The following XRCC1 variants were observed in gnomAD, a reference collection of about 807,000 sequenced individuals.
XRCC1 encodes DNA repair protein XRCC1.
XRCC1 carries 52 observed loss-of-function variants against 83.3 expected under a neutral mutation model. The ratio of observed to expected loss-of-function variants is 0.62; its 90% confidence interval spans 0.50 to 0.79. The LOEUF (loss-of-function observed/expected upper bound fraction) is 0.79, where lower values mean the gene tolerates loss of function less well. XRCC1 is among the 30% of genes least tolerant of loss of function. XRCC1 has a pLI of 0.00. For missense variants in XRCC1, 793 were observed against 823.5 expected, an observed-to-expected ratio of 0.96 and a Z score of 0.45; for synonymous variants, 281 against 312.6, an observed-to-expected ratio of 0.90 and a Z score of 1.07.
chr19:43,548,065 C>CG (rs896502060), intron 10 of XRCC1, among the ~76,000 whole-genome samples: 13 of 17,666 alleles, frequency 7.4e-4, no homozygotes, highest in Non-Finnish European at 1.2e-3. Context: ...GCCGCCCCGT[C>CG]GGGGGGGAGG....
intron 3 of XRCC1, among the ~76,000 whole-genome samples, chr19:43,557,645 T>C (rs1972651445): frequency 6.6e-6 from 1 of 151,588 alleles, no homozygotes; most frequent in South Asian, 2.1e-4. Flanking sequence ...ACAAAAAAAA[T>C]AGCCATGCAT....
chr19:43,561,134 A>G (rs1972695159), intron 2 of XRCC1, 114 bp from the exon 3 acceptor site: 7 of 835,812 alleles, frequency 8.4e-6, no homozygotes, highest in Non-Finnish European at 1.4e-5. Flanking sequence ...CAATTCTGTG[A>G]GGGGGCACAC....
Position 43,546,972 on chromosome 19 carries a change from A to G in XRCC1, c.1205T>C (p.Leu402Pro), listed in dbSNP as rs771577530. Residue 402 changes from leucine to proline, a missense_variant, in exon 11 of 17, where the codon CTC becomes CCC. Physicochemically the swap from Leu to Pro is moderately conservative, Grantham distance 98. Transcript: ENST00000262887. ...ACTGCTGGAACCTGGCCCTGCCATG[A>G]GGTACCTAGGGGACAAATCGGGCCT... ...MRRRLPSQRY[L>P]MAGPGSSSEE... The G allele has an allele frequency of 6.2e-7, 1 of 1,613,802 alleles. No individual in the cohort carries two copies. Among genetic ancestry groups the G allele is most frequent in the South Asian group, 1.1e-5 (1 of 91,082 alleles).
chr19:43,559,479 C>CAA (rs58121949), intron 3 of XRCC1, among the ~76,000 whole-genome samples: 74 of 56,494 alleles, frequency 1.3e-3, no homozygotes, highest in Admixed American at 1.7e-3. Flanking sequence ...GACTCCATCT[C>CAA]AAAAAAAAAA....
intron 2 of XRCC1, chr19:43,574,417 G>T (rs1972834062): frequency 6.6e-6 from 1 of 152,378 alleles, no homozygotes; most frequent in South Asian, 2.1e-4. Flanking sequence ...TAAAAATAGA[G>T]ACAGGGTCTT....
At chr19:43,559,243 G>A (rs1972670850) in intron 3 of XRCC1, among the ~76,000 whole-genome samples, 1 of 151,922 alleles carries the variant, frequency 6.6e-6, no homozygotes, top group Admixed American at 6.6e-5. Flanking sequence ...CAGCACTTTG[G>A]GAGGCTAAGG....
chr19:43,573,912 T>C (rs1972828931), intron 2 of XRCC1, among the ~76,000 whole-genome samples: 1 of 151,994 alleles, frequency 6.6e-6, no homozygotes, highest in Non-Finnish European at 1.5e-5. Context: ...GTCAGGCAAA[T>C]TGTATAACTT....
At position 43,554,718 on chromosome 19, in the gene XRCC1, G is replaced by C. The variant is rs1018004950; in HGVS notation, c.342C>G (p.Asp114Glu). 3 of 1,613,946 alleles carry C rather than the reference G, an allele frequency of 1.9e-6. No homozygotes were observed. Among genetic ancestry groups the C allele is most frequent in the Non-Finnish European group, 2.5e-6 (3 of 1,179,956 alleles). The change falls in exon 4 of 17, where the codon GAC (aspartate) becomes GAG (glutamate). Residue 114 changes from aspartate to glutamate, a missense_variant. Asp to Glu is a conservative substitution (Grantham distance 45). Transcript: ENST00000262887. ...TCTCGGCGGCTGCCCGGACCAGCTT[G>C]TCAGGCCCAAACATGCGAACGCGGT... ...NPNRVRMFGP[D>E]KLVRAAAEKR...
chr19:43,559,465 G>A (rs1239017113), intron 3 of XRCC1, among the ~76,000 whole-genome samples: 12 of 107,512 alleles, frequency 1.1e-4, no homozygotes, highest in Non-Finnish European at 1.5e-4. Flanking sequence ...GGGCAACAGA[G>A]TGAGACTCCA....
At chr19:43,571,379 C>T (rs1445447851) in intron 2 of XRCC1, among the ~76,000 whole-genome samples, 1 of 152,206 alleles carries the variant, frequency 6.6e-6, no homozygotes, top group Non-Finnish European at 1.5e-5. Flanking sequence ...GCCACTGCTC[C>T]AGCTCCAGCT....
rs1313912461 is a variant in XRCC1 at position 43,544,184 on chromosome 19, C to T, written c.1672G>A (p.Glu558Lys). 17 of 1,611,102 alleles carry T rather than the reference C, an allele frequency of 1.1e-5. No homozygotes were observed. Among genetic ancestry groups the T allele is most frequent in the Non-Finnish European group, 1.3e-5 (15 of 1,178,746 alleles). Residue 558 changes from glutamate to lysine, a missense_variant, in exon 15 of 17, where the codon GAG becomes AAG. Glu to Lys is a moderately conservative substitution (Grantham distance 56, BLOSUM62 1). Transcript: ENST00000262887. ...FFLYGEFPGD[E>K]RRKLIRYVTA... ...ACGTATCGGATGAGTTTCCGCCGCT[C>T]GTCCCCAGGGAACTCCCCGTAAAGA...
At chr19:43,559,287 T>G (rs942979366) in intron 3 of XRCC1, among the ~76,000 whole-genome samples, 2 of 151,244 alleles carry the variant, frequency 1.3e-5, no homozygotes, top group Non-Finnish European at 1.5e-5. Context: ...ATCGAGACCA[T>G]CCTGGCTAAC....
rs1555767804 is a variant in XRCC1, at chr19:43,543,350, G to GTGTA, written c.*41_*42insTACA. 1 of 1,132,684 alleles carries GTGTA rather than the reference G, an allele frequency of 8.8e-7. No individual in the cohort carries two copies. Among genetic ancestry groups the GTGTA allele is most frequent in the South Asian group, 1.4e-5 (1 of 69,374 alleles). 70.2% of individuals were successfully genotyped at this position (1,132,684 alleles called of 1,614,324 possible). On this transcript the variant is annotated 3_prime_UTR_variant, in exon 17 of 17. Transcript: ENST00000262887. ...TCTTTATTAAATGCATCGTGTGTGT[G>GTGTA]TGTGTGTGTGTGTGTGTGTGTGTGT... is the stretch of plus-strand genomic sequence containing the variant.
At chr19:43,557,647 G>A (rs1972651499) in intron 3 of XRCC1, among the ~76,000 whole-genome samples, 1 of 151,996 alleles carries the variant, frequency 6.6e-6, no homozygotes, top group Admixed American at 6.6e-5. Flanking sequence ...AAAAAAAATA[G>A]CCATGCATGG....
chr19:43,569,817 T>C (rs1488787169), intron 2 of XRCC1, among the ~76,000 whole-genome samples: 1 of 151,932 alleles, frequency 6.6e-6, no homozygotes, highest in African/African-American at 2.4e-5. Context: ...CATCTACAGC[T>C]ACACTGAACG....
At chr19:43,563,513 A>AAACAAC (rs1261341804) in intron 2 of XRCC1, among the ~76,000 whole-genome samples, 2 of 151,880 alleles carry the variant, frequency 1.3e-5, no homozygotes, top group Non-Finnish European at 2.9e-5. Context: ...ACAACAACAA[A>AAACAAC]AACAACAATA....
intron 2 of XRCC1, among the ~76,000 whole-genome samples, chr19:43,568,759 A>AG (rs1458022089): frequency 6.6e-6 from 1 of 151,460 alleles, no homozygotes; most frequent in Non-Finnish European, 1.5e-5. Flanking sequence ...GGAGTTGGGG[A>AG]GGGAGCAGGA....
rs62117668 is a variant in XRCC1, at chr19:43,557,282, C to G, written c.256-2478G>C. Among the ~76,000 whole-genome samples, 535 of 138,664 alleles carry G rather than the reference C, an allele frequency of 3.9e-3. 3 individuals are homozygous for G. The highest frequency in any genetic ancestry group is 6.4e-3 in the Non-Finnish European group (425 of 66,110). The allele number at this position is 138,664 out of a possible 152,430, so 91.0% of individuals were successfully genotyped here. On this transcript the variant is annotated intron_variant, in intron 3 of 16. Coordinates refer to ENST00000262887, the MANE Select transcript of XRCC1 (RefSeq NM_006297.3). ...CAAGATTGCGCCACTGCACTCCAGC[C>G]TGGCAATAGAGCGAGACTCCGTCTC...
chr19:43,551,908 G>T, intron 9 of XRCC1, 109 bp downstream of exon 9: 2 of 1,279,284 alleles, frequency 1.6e-6, no homozygotes, highest in Admixed American at 1.8e-5. Flanking sequence ...GCAAGTGAGA[G>T]AGAGAGAAAG....
Sources: gnomAD v4.1 joint callset for allele counts (sites outside exome capture counted in the v4.1 genomes callset) on GRCh38, gnomAD v4.1.1 for gene constraint, MANE v1.5 for transcripts, NCBI Gene and HGNC (gene_info 2026-07-23, HGNC 2026-07-21) for gene names.